The following CD1B variants were observed in gnomAD, a reference collection of about 807,000 sequenced individuals.
The protein encoded by CD1B is CD1b molecule.
Under a neutral mutation model 39.8 loss-of-function variants are expected in CD1B, and 43 were observed. The observed-to-expected ratio is 1.08, with a 90% CI of 0.85 to 1.39. The LOEUF is 1.39. CD1B is among the 40% of genes most tolerant of loss of function. The pLI is 0.00. For synonymous variants in CD1B, 192 were observed against 152.5 expected (o/e 1.26, Z -1.91); for missense variants, 495 against 403.8 (o/e 1.23, Z -1.94).
At chr1:158,298,576 A>T in the CD1B span, among the ~76,000 whole-genome samples, 1 of 152,130 alleles carries the variant, frequency 6.6e-6, no homozygotes, top group Non-Finnish European at 1.5e-5. Context: ...CTTGATAGGG[A>T]TGGCATTGAA....
the CD1B span, among the ~76,000 whole-genome samples, chr1:158,304,716 G>A: frequency 6.6e-6 from 1 of 152,218 alleles, no homozygotes; most frequent in Non-Finnish European, 1.5e-5. Context: ...ACCTCACACG[G>A]CAGGGTACTC....
chr1:158,313,168 G>A, the CD1B span, among the ~76,000 whole-genome samples: 11 of 152,118 alleles, frequency 7.2e-5, no homozygotes, highest in East Asian at 2.1e-3. Flanking sequence ...TGAATACTTT[G>A]AATCATCCTT....
At chr1:158,326,184 G>A (rs1652346102), downstream of CD1B, among the ~76,000 whole-genome samples, 1 of 152,020 alleles carries the variant, frequency 6.6e-6, no homozygotes, top group South Asian at 2.1e-4. Flanking sequence ...GTGTTAGCCA[G>A]GATGGTCTCA....
Position 158,331,474 on chromosome 1 carries a change from A to G in CD1B, c.-51T>C, listed in dbSNP as rs112319333. Reference sequence around the variant, plus strand: ...TGGCAGAGCTGGTATTTGATCTCCAATTTCAGCAAAGCTTTTCCTCAGTAC... The same window carrying G: ...TGGCAGAGCTGGTATTTGATCTCCAGTTTCAGCAAAGCTTTTCCTCAGTAC... On this transcript the variant is annotated 5_prime_UTR_variant, in exon 1 of 6. Coordinates refer to ENST00000368168, the MANE Select transcript of CD1B (RefSeq NM_001764.3). 3.6e-5 allele frequency: 54 copies of G among 1,482,796 alleles called. No homozygotes were observed. In the African/African-American group the frequency reaches 3.7e-4, roughly 10 times the overall value. 91.9% of individuals were successfully genotyped at this position (1,482,796 alleles called of 1,614,324 possible). A position where few individuals can be genotyped will look rare whatever the true frequency, so the allele number is the denominator to read the frequency against.
the CD1B span, among the ~76,000 whole-genome samples, chr1:158,316,127 A>C: frequency 2.0e-5 from 3 of 151,986 alleles, no homozygotes; most frequent in African/African-American, 7.3e-5. Context: ...CTTACGATTG[A>C]CTTGGCAATG....
downstream of CD1B, among the ~76,000 whole-genome samples, chr1:158,325,450 A>T (rs1652316163): frequency 6.6e-6 from 1 of 152,224 alleles, no homozygotes; most frequent in East Asian, 1.9e-4. Context: ...TAAATAAATA[A>T]ATAAATAGAT....
At chr1:158,288,810 T>C in the CD1B span, among the ~76,000 whole-genome samples, 2 of 152,254 alleles carry the variant, frequency 1.3e-5, no homozygotes, top group African/African-American at 4.8e-5. Context: ...ACTGTGTTCA[T>C]GTATTTACAC....
At chr1:158,321,736 A>G in the CD1B span, among the ~76,000 whole-genome samples, 2,290 of 152,198 alleles carry the variant, frequency 0.015, 55 homozygotes, top group African/African-American at 0.05. Flanking sequence ...TGTTTACATC[A>G]AGTTGTTTTA....
chr1:158,301,793 G>A, the CD1B span, among the ~76,000 whole-genome samples: 11 of 152,206 alleles, frequency 7.2e-5, no homozygotes, highest in South Asian at 4.1e-4. Context: ...GAGTATCTTT[G>A]TGGTGTTCTC....
the CD1B span, chr1:158,291,277 C>A: frequency 1.2e-6 from 2 of 1,614,138 alleles, no homozygotes; most frequent in Non-Finnish European, 1.7e-6. Flanking sequence ...AATTTTCCTG[C>A]ATAACTGGTC....
In CD1B at chr1:158,331,380, C is replaced by T; in HGVS notation, c.44G>A (p.Gly15Asp). The change falls in exon 1 of 6, where the codon GGT (glycine) becomes GAT (aspartate). Residue 15 changes from glycine (G) to aspartate (D), a missense_variant. Physicochemically the swap from Gly to Asp is moderately conservative, Grantham distance 94 (BLOSUM62 -1). Transcript: ENST00000368168. ...PFQLLAVLFPGGNSEHAFQGP... is the reference protein window; with the variant it reads ...PFQLLAVLFPDGNSEHAFQGP... The stretch of plus-strand genomic sequence containing the variant: ...ACTCTTACCATGTTCACTGTTACCA[C>T]CAGGAAAGAGAACAGCTAACAGTTG... The T allele has an allele frequency of 6.2e-7, 1 of 1,613,946 alleles. No homozygotes were observed.
At chr1:158,330,762 T>G (rs1284220955) in intron 2 of CD1B, 34 bp downstream of exon 2, 10 of 1,604,046 alleles carry the variant, frequency 6.2e-6, no homozygotes, top group Non-Finnish European at 6.8e-6. Context: ...AGAGAGTCCT[T>G]GAGACTCTTC....
chr1:158,303,672 A>G, the CD1B span, among the ~76,000 whole-genome samples: 2 of 152,210 alleles, frequency 1.3e-5, no homozygotes, highest in African/African-American at 2.4e-5. Flanking sequence ...CACATTCACT[A>G]TAATCACAAA....
chr1:158,320,695 T>C, the CD1B span, among the ~76,000 whole-genome samples: 1 of 152,050 alleles, frequency 6.6e-6, no homozygotes, highest in African/African-American at 2.4e-5. Context: ...CTCCATAGGT[T>C]TTTGTGTGTT....
the CD1B span, among the ~76,000 whole-genome samples, chr1:158,306,348 G>C: frequency 1.3e-5 from 2 of 152,058 alleles, no homozygotes; most frequent in African/African-American, 2.4e-5. Context: ...ATTACATAAT[G>C]GTAAAGGGAT....
At chr1:158,293,705 C>T in the CD1B span, 77 of 1,021,306 alleles carry the variant, frequency 7.5e-5, no homozygotes, top group African/African-American at 2.6e-4. Context: ...TTTCCTCCAA[C>T]GATCTTCCTT....
the CD1B span, among the ~76,000 whole-genome samples, chr1:158,301,186 C>T: frequency 8.5e-5 from 13 of 152,072 alleles, no homozygotes; most frequent in African/African-American, 3.1e-4. Flanking sequence ...ATGTGTGTCT[C>T]TGCACTTGAG....
the CD1B span, among the ~76,000 whole-genome samples, chr1:158,305,024 G>A: frequency 2.0e-5 from 3 of 152,176 alleles, no homozygotes. Flanking sequence ...CTAAAAATCA[G>A]AGTGCCTCTC....
At chr1:158,304,118 A>G in the CD1B span, among the ~76,000 whole-genome samples, 1 of 152,088 alleles carries the variant, frequency 6.6e-6, no homozygotes, top group Non-Finnish European at 1.5e-5. Context: ...CAGTTCACCC[A>G]GCGAGAGCCA....
Sources: allele counts gnomAD v4.1 joint callset (sites outside exome capture counted in the v4.1 genomes callset), GRCh38; gene constraint gnomAD v4.1.1; transcripts MANE v1.5; gene names NCBI Gene and HGNC (gene_info 2026-07-23, HGNC 2026-07-21).